Variants in SLIT3 observed in about 807,000 individuals in gnomAD.
SLIT3 encodes slit guidance ligand 3, also known as slit homolog 3 protein.
In SLIT3, 68 loss-of-function variants were observed where a neutral mutation model predicts 184.0. That is an observed-to-expected ratio of 0.37 (90% confidence interval 0.30 to 0.45). The LOEUF is 0.45. SLIT3 is among the 20% of genes least tolerant of loss of function. SLIT3 has a pLI of 1.00. For synonymous variants in SLIT3, 831 were observed against 828.6 expected (o/e 1.00, Z -0.05); for missense variants, 1,707 against 2,026.0 (o/e 0.84, Z 3.02).
intron 4 of SLIT3, among the ~76,000 whole-genome samples, chr5:168,909,129 G>A (rs1385306116): frequency 6.6e-6 from 1 of 152,208 alleles, no homozygotes; most frequent in Non-Finnish European, 1.5e-5. Context: ...TATCATGCCT[G>A]CATGCGTATG....
At chr5:168,867,027 T>A (rs1365634204) in intron 5 of SLIT3, among the ~76,000 whole-genome samples, 2 of 152,308 alleles carry the variant, frequency 1.3e-5, no homozygotes, top group Admixed American at 1.3e-4. Context: ...TGCCAGTCGT[T>A]CTCAAAAGTT....
At chr5:169,125,839 G>A (rs1761059182) in intron 4 of SLIT3, among the ~76,000 whole-genome samples, 1 of 152,170 alleles carries the variant, frequency 6.6e-6, no homozygotes, top group African/African-American at 2.4e-5. Context: ...ATGAAGCCTG[G>A]GAACAGGGGC....
intron 6 of SLIT3, among the ~76,000 whole-genome samples, chr5:168,836,866 A>C (rs970539535): frequency 6.6e-6 from 1 of 152,240 alleles, no homozygotes; most frequent in Non-Finnish European, 1.5e-5. Context: ...GCTTTTGGTT[A>C]ACAGGAAAGT....
At position 169,078,228 on chromosome 5, in the gene SLIT3, C is replaced by G. The variant is rs543156893; in HGVS notation, c.413+115251G>C. Reference sequence around the variant, plus strand: ...GCTTATGTCCAAATGCAATGTCTCCCCAGGCCCAAGTCCAACGCAAACCAG... The same window carrying G: ...GCTTATGTCCAAATGCAATGTCTCCGCAGGCCCAAGTCCAACGCAAACCAG... On this transcript the variant is annotated intron_variant, in intron 4 of 35. Coordinates refer to ENST00000519560, the MANE Select transcript of SLIT3 (RefSeq NM_003062.4). Among the ~76,000 whole-genome samples the G allele has an allele frequency of 4.6e-5, 7 of 152,260 alleles. No individual in the cohort carries two copies. The East Asian group carries it at 5.8e-4, about 13-fold the overall frequency.
intron 6 of SLIT3, among the ~76,000 whole-genome samples, chr5:168,835,810 CA>C (rs11427871): frequency 0.04 from 5,486 of 138,434 alleles, 337 homozygotes; most frequent in African/African-American, 0.13. Context: ...GACTCCATCT[CA>C]AAAAAAAAAA....
At chr5:169,161,140 G>A (rs936971493) in intron 4 of SLIT3, among the ~76,000 whole-genome samples, 3 of 152,050 alleles carry the variant, frequency 2.0e-5, no homozygotes, top group Admixed American at 6.6e-5. Flanking sequence ...AGTTAAAATC[G>A]CCTCCTCCTC....
chr5:169,190,185 G>A (rs1035659433), intron 4 of SLIT3, among the ~76,000 whole-genome samples: 4 of 152,164 alleles, frequency 2.6e-5, no homozygotes, highest in African/African-American at 9.7e-5. Flanking sequence ...CTGGGACATG[G>A]GCATATATGA....
In SLIT3 at chr5:169,040,235, G is replaced by T. The variant is rs1404514524; in HGVS notation, c.413+153244C>A. ...GGAATTCCCTTGCTTCTTCCTGCATGTTTACACAACTTTAATACTTTTCTA... is the reference window on the plus strand; with the variant it reads ...GGAATTCCCTTGCTTCTTCCTGCATTTTTACACAACTTTAATACTTTTCTA... On this transcript the variant is annotated intron_variant, in intron 4 of 35. Transcript: ENST00000519560. Among the ~76,000 whole-genome samples the T allele has an allele frequency of 3.3e-5, 5 of 152,084 alleles. No individual in the cohort carries two copies. In the East Asian group the frequency reaches 7.7e-4, roughly 23 times the overall value.
intron 4 of SLIT3, among the ~76,000 whole-genome samples, chr5:169,142,054 AAAAAAT>A (rs200706671): frequency 0.073 from 10,207 of 139,880 alleles, 441 homozygotes; most frequent in East Asian, 0.15. Context: ...CTACTCAAAA[AAAAAAT>A]AAAAATAAAA....
At chr5:168,815,577 A>G (rs73308293) in intron 8 of SLIT3, among the ~76,000 whole-genome samples, 16,790 of 152,188 alleles carry the variant, frequency 0.11, 1,207 homozygotes, top group African/African-American at 0.2. Flanking sequence ...TGGTTTTATT[A>G]TATGTGTTTG....
rs758664561 is a variant in SLIT3, at chr5:168,666,542, C to T, written c.4484G>A (p.Arg1495Gln). The T allele has an allele frequency of 2.2e-5, 35 of 1,613,508 alleles. No individual in the cohort carries two copies. Among genetic ancestry groups the T allele is most frequent in the African/African-American group, 6.7e-5 (5 of 74,922 alleles). ...QCCQPTRSKR[R>Q]KYVFQCTDGS... is the part of the protein sequence containing the mutation. ...GTCCGTGCACTGGAAGACGTATTTC[C>T]GCCGCTTGCTGCGGGTGGGCTGGCA... Residue 1495 changes from arginine (R) to glutamine (Q), a missense_variant, in exon 36 of 36, where the codon CGG becomes CAG. Arg to Gln is a conservative substitution (Grantham distance 43, BLOSUM62 1). Around this residue, in one of 3 missense-constraint regions of SLIT3, gnomAD observed 387 missense variants for 477.9 expected, o/e 0.81. Transcript: ENST00000519560.
Position 168,666,106 on chromosome 5 carries a change from T to G in SLIT3, c.*348A>C, listed in dbSNP as rs1283692338. On this transcript the variant is annotated 3_prime_UTR_variant, in exon 36 of 36. Coordinates refer to ENST00000519560, the MANE Select transcript of SLIT3 (RefSeq NM_003062.4). ...GCTATCATTCTTTATTCTTATCCTT[T>G]TGTTTTAAAGCATTTTTATTAGTCT... 5.9e-6 allele frequency: 1 copy of G among 170,284 alleles called. No individual in the cohort carries two copies. The highest frequency in any genetic ancestry group is 2.4e-5 in the African/African-American group (1 of 42,230). The allele number at this position is 170,284 out of a possible 1,614,324, so 10.5% of individuals were successfully genotyped here.
chr5:168,739,559 A>T (rs1763552496), intron 20 of SLIT3, among the ~76,000 whole-genome samples: 1 of 151,632 alleles, frequency 6.6e-6, no homozygotes, highest in African/African-American at 2.4e-5. Flanking sequence ...GCTTCAAGTG[A>T]TTCTCCTGCC....
chr5:169,237,832 T>C (rs1482264869), intron 3 of SLIT3, among the ~76,000 whole-genome samples: 1 of 152,184 alleles, frequency 6.6e-6, no homozygotes, highest in African/African-American at 2.4e-5. Flanking sequence ...ATCAGATACA[T>C]GTTTTGAAAA....
At chr5:169,055,405 T>C (rs1757960013) in intron 4 of SLIT3, among the ~76,000 whole-genome samples, 1 of 152,160 alleles carries the variant, frequency 6.6e-6, no homozygotes, top group African/African-American at 2.4e-5. Context: ...TAGAGTTGAA[T>C]GATGTGCAAA....
At chr5:169,169,066 C>G (rs1261711175) in intron 4 of SLIT3, among the ~76,000 whole-genome samples, 1 of 152,162 alleles carries the variant, frequency 6.6e-6, no homozygotes, top group African/African-American at 2.4e-5. Flanking sequence ...TTCTAACTCG[C>G]ACAGAGGTGT....
chr5:168,666,451 G>A lies in SLIT3; in HGVS notation c.*3C>T. On this transcript the variant is annotated 3_prime_UTR_variant, in exon 36 of 36. Coordinates refer to ENST00000519560, the MANE Select transcript of SLIT3 (RefSeq NM_003062.4). ...GAGAGGTGGCAGGCAGGCGGGCAGGGGCTTAGGAACACGCGAGGCAGCCGC... is the reference window on the plus strand; with the variant it reads ...GAGAGGTGGCAGGCAGGCGGGCAGGAGCTTAGGAACACGCGAGGCAGCCGC... The A allele has an allele frequency of 6.4e-7, 1 of 1,558,000 alleles. No homozygotes were observed.
chr5:169,035,880 T>C (rs1757225816), intron 4 of SLIT3, among the ~76,000 whole-genome samples: 1 of 152,094 alleles, frequency 6.6e-6, no homozygotes, highest in Non-Finnish European at 1.5e-5. Context: ...GTTAATATCG[T>C]AGAGTCTTGA....
chr5:168,939,319 A>G (rs1465687578), intron 4 of SLIT3, among the ~76,000 whole-genome samples: 1 of 152,216 alleles, frequency 6.6e-6, no homozygotes, highest in African/African-American at 2.4e-5. Context: ...AACACGTAAT[A>G]GGGAAGAGCA....
Sources: allele counts gnomAD v4.1 joint callset (sites outside exome capture counted in the v4.1 genomes callset), GRCh38; gene constraint gnomAD v4.1.1; regional missense constraint gnomAD v4.1.1; transcripts MANE v1.5; gene names NCBI Gene and HGNC (gene_info 2026-07-23, HGNC 2026-07-21).